Variants in PGF observed in about 807,000 individuals in gnomAD.
The protein encoded by PGF is placenta growth factor.
In PGF, 11 loss-of-function variants were observed where a neutral mutation model predicts 25.3. The observed-to-expected ratio is 0.43, with a 90% CI of 0.27 to 0.72. The LOEUF is 0.72. Among genes scored for constraint, PGF ranks in the 30% least tolerant of loss-of-function variants. PGF has a pLI of 0.18. For missense variants in PGF, 230 were observed against 234.9 expected (o/e 0.98, Z 0.14); for synonymous variants, 105 against 97.9 (o/e 1.07, Z -0.43).
intron 1 of PGF, chr14:74,954,260 A>C (rs535376559): frequency 3.5e-5 from 14 of 399,668 alleles, no homozygotes; most frequent in Non-Finnish European, 6.6e-5. Flanking sequence ...CCCAGCCCCC[A>C]GGCCAACCCT....
intron 4 of PGF, 146 bp from the exon 5 acceptor site, chr14:74,946,554 G>T: frequency 1.4e-6 from 1 of 732,640 alleles, no homozygotes; most frequent in Non-Finnish European, 2.2e-6. Context: ...CATGGAGTTG[G>T]CAAGGGAGAG....
chr14:74,946,636 C>A, intron 4 of PGF: 1 of 637,764 alleles, frequency 1.6e-6, no homozygotes, highest in Non-Finnish European at 2.9e-6. Flanking sequence ...ACAAATCAAC[C>A]TCCTGGGGAC....
chr14:74,945,600 A>G (rs1366169657), intron 6 of PGF: 1 of 152,554 alleles, frequency 6.6e-6, no homozygotes, highest in Non-Finnish European at 1.5e-5. Flanking sequence ...TATTTTTTCT[A>G]TTTACTCTCA....
At position 74,953,792 on chromosome 14, in the gene PGF, G is replaced by A; in HGVS notation, c.118+112C>T. On this transcript the variant is annotated intron_variant, in intron 2 of 6. Transcript: ENST00000555567. The surrounding 1 kb of genome is among the most constrained non-coding windows in gnomAD (Gnocchi z 5.4). The stretch of plus-strand genomic sequence containing the variant: ...ATCACCCAGCATGTCTAGCTTGTAG[G>A]CTCTCCCCAGCTTTTATCAACCTGC... The A allele has an allele frequency of 9.4e-7, 1 of 1,061,106 alleles. No individual in the cohort carries two copies. Among genetic ancestry groups the A allele is most frequent in the Non-Finnish European group, 1.5e-6 (1 of 677,436 alleles). 65.7% of individuals were successfully genotyped at this position (1,061,106 alleles called of 1,614,324 possible). A position where few individuals can be genotyped will look rare whatever the true frequency, so the allele number is the denominator to read the frequency against.
intron 3 of PGF, among the ~76,000 whole-genome samples, chr14:74,949,004 G>A (rs1205385316): frequency 6.6e-6 from 1 of 152,218 alleles, no homozygotes; most frequent in Non-Finnish European, 1.5e-5. Flanking sequence ...TACTCAGTAA[G>A]TGCTCAGTAA....
In PGF at chr14:74,953,339, T is replaced by A. The variant is rs1295807598; in HGVS notation, c.118+565A>T. 1.3e-5 allele frequency among the ~76,000 whole-genome samples: 2 copies of A among 152,178 alleles called. No homozygotes were observed. Among genetic ancestry groups the A allele is most frequent in the Non-Finnish European group, 2.9e-5 (2 of 68,032 alleles). ...GCCTCCTGCCTTCTGTACATATGTC[T>A]CTTTGGCAAACGTCTCGTTGCCCTT... On this transcript the variant is annotated intron_variant, in intron 2 of 6. Coordinates refer to ENST00000555567, the MANE Select transcript of PGF (RefSeq NM_002632.6). The surrounding 1 kb of genome is among the most constrained non-coding windows in gnomAD (Gnocchi z 5.4).
chr14:74,942,982 G>A (rs945433096), intron 6 of PGF, among the ~76,000 whole-genome samples: 6 of 152,310 alleles, frequency 3.9e-5, no homozygotes, highest in African/African-American at 1.4e-4. Flanking sequence ...CCTTCCATGA[G>A]GAAGGCACCC....
intron 4 of PGF, chr14:74,948,302 T>A (rs952216919): frequency 3.8e-5 from 18 of 475,040 alleles, no homozygotes; most frequent in African/African-American, 2.8e-4. Context: ...TGGGACCAGC[T>A]CCCTTGGCAA....
At position 74,953,293 on chromosome 14, in the gene PGF, G is replaced by A. The variant is rs1195181697; in HGVS notation, c.118+611C>T. Among the ~76,000 whole-genome samples, 3 of 152,228 alleles carry A rather than the reference G, an allele frequency of 2.0e-5. No homozygotes were observed. Among genetic ancestry groups the A allele is most frequent in the Admixed American group, 6.5e-5 (1 of 15,288 alleles). On this transcript the variant is annotated intron_variant, in intron 2 of 6. Transcript: ENST00000555567. The surrounding 1 kb of genome is among the most constrained non-coding windows in gnomAD (Gnocchi z 5.4). The stretch of plus-strand genomic sequence containing the variant: ...CTTGGAGAGGCAGGGAGGGAGGAGC[G>A]AGGTAGGGGGCCTGGCATGGGCCTC...
In PGF at chr14:74,948,723, T is replaced by TG. The variant is rs1462954092; in HGVS notation, c.316-141dup. On this transcript the variant is annotated intron_variant, in intron 3 of 6. Coordinates refer to ENST00000555567, the MANE Select transcript of PGF (RefSeq NM_002632.6). ...ACAGGCCCTCACTCCACTCTGAACG[T>TG]GGGGCAAACAGCTCTCTCAGCTGCA... 5 of 523,398 alleles carry TG rather than the reference T, an allele frequency of 9.6e-6. No individual in the cohort carries two copies. The African/African-American group carries it at 9.8e-5, about 10-fold the overall frequency. 32.4% of individuals were successfully genotyped at this position (523,398 alleles called of 1,614,324 possible). A position where few individuals can be genotyped will look rare whatever the true frequency, so the allele number is the denominator to read the frequency against.
Position 74,955,425 on chromosome 14 carries a change from AGGT to A in PGF, c.-186_-184del. 2.5e-6 allele frequency: 1 copy of A among 405,216 alleles called. No individual in the cohort carries two copies. Among genetic ancestry groups the A allele is most frequent in the East Asian group, 3.6e-5 (1 of 27,918 alleles). The allele number at this position is 405,216 out of a possible 1,614,324, so 25.1% of individuals were successfully genotyped here. ...AAGCCTTGCGGAGTCAGGAGCCCGT[AGGT>A]AAGGCTGTGGCTGGGGAACCCGACG... On this transcript the variant is annotated 5_prime_UTR_variant, in exon 1 of 7. Coordinates refer to ENST00000555567, the MANE Select transcript of PGF (RefSeq NM_002632.6). The surrounding 1 kb of genome is among the most constrained non-coding windows in gnomAD (Gnocchi z 4.1).
At position 74,953,919 on chromosome 14, in the gene PGF, A is replaced by G. The variant is rs201562139; in HGVS notation, c.103T>C (p.Ser35Pro). 3.1e-6 allele frequency: 5 copies of G among 1,613,876 alleles called. No individual in the cohort carries two copies. In the East Asian group the frequency reaches 1.1e-4, roughly 36 times the overall value. Residue 35 changes from serine to proline, a missense_variant, in exon 2 of 7, where the codon TCG (serine) becomes CCG (proline). By Grantham distance (74) the Ser-to-Pro change is moderately conservative (BLOSUM62 -1). Coordinates refer to ENST00000555567, the MANE Select transcript of PGF (RefSeq NM_002632.6). The surrounding 1 kb of genome is among the most constrained non-coding windows in gnomAD (Gnocchi z 5.4). ...QQWALSAGNG[S>P]SEVEVVPFQE... ...GCCAGCTTACCTTCCACCTCTGACGAGCCGTTCCCAGCAGACAAGGCCCAC... is the reference window on the plus strand; with the variant it reads ...GCCAGCTTACCTTCCACCTCTGACGGGCCGTTCCCAGCAGACAAGGCCCAC...
chr14:74,952,771 T>G (rs1011187828), intron 2 of PGF, among the ~76,000 whole-genome samples: 1 of 152,196 alleles, frequency 6.6e-6, no homozygotes, highest in African/African-American at 2.4e-5. Flanking sequence ...CTGGGTGATA[T>G]GTACACCCAT....
Position 74,955,205 on chromosome 14 carries a change from A to G in PGF, c.38T>C (p.Leu13Pro). The G allele has an allele frequency of 6.7e-7, 1 of 1,489,050 alleles. No individual in the cohort carries two copies. The highest frequency in any genetic ancestry group is 9.0e-7 in the Non-Finnish European group (1 of 1,112,002). The allele number at this position is 1,489,050 out of a possible 1,614,324, so 92.2% of individuals were successfully genotyped here. Reference protein sequence around the residue: ...VMRLFPCFLQLLAGLALPAVP... With the variant: ...VMRLFPCFLQPLAGLALPAVP... ...AGCAGGCAGCGCCAGCCCGGCCAGG[A>G]GCTGCAGGAAGCAAGGGAACAGCCT... The change falls in exon 1 of 7, where the codon CTC becomes CCC. Residue 13 changes from leucine (L) to proline (P), a missense_variant. Transcript: ENST00000555567. The surrounding 1 kb of genome is among the most constrained non-coding windows in gnomAD (Gnocchi z 4.1).
Position 74,942,520 on chromosome 14 carries a change from T to A in PGF, c.*186A>T. 1 of 635,810 alleles carries A rather than the reference T, an allele frequency of 1.6e-6. No individual in the cohort carries two copies. Among genetic ancestry groups the A allele is most frequent in the Non-Finnish European group, 2.8e-6 (1 of 357,918 alleles). 39.4% of individuals were successfully genotyped at this position (635,810 alleles called of 1,614,324 possible). A position where few individuals can be genotyped will look rare whatever the true frequency, so the allele number is the denominator to read the frequency against. ...GCTGGCTTCTCTCTTTCTCTCACGT[T>A]GTTGAAGGCACTGAATTCCTGAGGG... On this transcript the variant is annotated 3_prime_UTR_variant, in exon 7 of 7. Transcript: ENST00000555567.
intron 2 of PGF, among the ~76,000 whole-genome samples, chr14:74,951,148 T>G (rs1164644932): frequency 6.6e-6 from 1 of 152,058 alleles, no homozygotes; most frequent in Non-Finnish European, 1.5e-5. Flanking sequence ...CAATAAACAG[T>G]GTTATCTGCT....
rs753550678 is a variant in PGF at position 74,953,934 on chromosome 14, A to G, written c.88T>C (p.Ser30Pro). Residue 30 changes from serine to proline, a missense_variant, in exon 2 of 7, where the codon TCT (serine) becomes CCT (proline). By Grantham distance (74) the Ser-to-Pro change is moderately conservative. Transcript: ENST00000555567. The surrounding 1 kb of genome is among the most constrained non-coding windows in gnomAD (Gnocchi z 5.4). ...PAVPPQQWALSAGNGSSEVEV... is the reference protein window; with the variant it reads ...PAVPPQQWALPAGNGSSEVEV... ...ACCTCTGACGAGCCGTTCCCAGCAG[A>G]CAAGGCCCACTGCTATGGACAGAAA... The G allele has an allele frequency of 1.2e-5, 19 of 1,613,994 alleles. No homozygotes were observed. Among genetic ancestry groups the G allele is most frequent in the Non-Finnish European group, 1.6e-5 (19 of 1,180,000 alleles).
Position 74,953,879 on chromosome 14 carries a change from C to T in PGF, c.118+25G>A, listed in dbSNP as rs550511172. 1.6e-4 allele frequency: 260 copies of T among 1,610,294 alleles called. 4 individuals carry two copies. The South Asian group carries it at 2.4e-3, about 15-fold the overall frequency. On this transcript the variant is annotated intron_variant, in intron 2 of 6. Transcript: ENST00000555567. This position sits in a 1 kb window ranked among gnomAD's most constrained non-coding sequence, Gnocchi z 5.4. ...GGAAGAGAGGGGCTTGGGGAGCATG[C>T]GTACCCCCAGCCTGGCCAGCTTACC... is the stretch of plus-strand genomic sequence containing the variant.
chr14:74,955,578 G>A lies in PGF; in HGVS notation c.-336C>T, dbSNP rs914471992. ...GCCGTCCGTCGATGCAGTTTCCTCCGCAGACAGCAGCTCCCTTCTGAGACT... is the reference window on the plus strand; with the variant it reads ...GCCGTCCGTCGATGCAGTTTCCTCCACAGACAGCAGCTCCCTTCTGAGACT... On this transcript the variant is annotated 5_prime_UTR_variant, in exon 1 of 7. Coordinates refer to ENST00000555567, the MANE Select transcript of PGF (RefSeq NM_002632.6). The surrounding 1 kb of genome is among the most constrained non-coding windows in gnomAD (Gnocchi z 4.1). The A allele has an allele frequency of 4.1e-6, 1 of 244,322 alleles. No individual in the cohort carries two copies. 15.1% of individuals were successfully genotyped at this position (244,322 alleles called of 1,614,324 possible).
Sources: allele counts gnomAD v4.1 joint callset (sites outside exome capture counted in the v4.1 genomes callset), GRCh38; gene constraint gnomAD v4.1.1; non-coding constraint Gnocchi (gnomAD v3.1); transcripts MANE v1.5; gene names NCBI Gene and HGNC (gene_info 2026-07-23, HGNC 2026-07-21).